The following OCA2 variants were observed in gnomAD, a reference collection of about 807,000 sequenced individuals.
The protein encoded by OCA2 is P protein.
A neutral mutation model predicts 100.2 loss-of-function variants in OCA2; 77 were observed. The ratio of observed to expected loss-of-function variants is 0.77; its 90% CI spans 0.64 to 0.93. The LOEUF is 0.93. Among genes scored for constraint, OCA2 ranks in the 40% least tolerant of loss-of-function variants. The probability of loss-of-function intolerance (pLI) is 0.00; values close to 1 mark genes in which losing one functional copy is unlikely to be tolerated. For missense variants in OCA2, 1,062 were observed against 1,089.1 expected (o/e 0.98, Z 0.35); for synonymous variants, 432 against 439.2 (o/e 0.98, Z 0.21).
At chr15:27,978,057 C>T (rs554879048) in intron 14 of OCA2, among the ~76,000 whole-genome samples, 2 of 152,186 alleles carry the variant, frequency 1.3e-5, no homozygotes, top group African/African-American at 4.8e-5. Context: ...TTCTTTGACC[C>T]TTGGATTACT....
At chr15:28,084,050 G>C (rs2044729854) in intron 1 of OCA2, among the ~76,000 whole-genome samples, 1 of 152,220 alleles carries the variant, frequency 6.6e-6, no homozygotes, top group Non-Finnish European at 1.5e-5. Flanking sequence ...GGAGGTGACT[G>C]GGATTTGGAG....
intron 21 of OCA2, among the ~76,000 whole-genome samples, chr15:27,860,512 C>G (rs2036092128): frequency 6.6e-6 from 1 of 152,098 alleles, no homozygotes; most frequent in African/African-American, 2.4e-5. Flanking sequence ...TCATATGTAC[C>G]CAATATTTAG....
intron 3 of OCA2, among the ~76,000 whole-genome samples, 195 bp downstream of exon 3, chr15:28,031,870 G>T (rs2042914870): frequency 6.6e-6 from 1 of 152,178 alleles, no homozygotes; most frequent in African/African-American, 2.4e-5. Flanking sequence ...GCAGGGTTAT[G>T]CTCAAGGCCA....
At chr15:27,747,083 C>CAT in the OCA2 span, among the ~76,000 whole-genome samples, 3 of 152,100 alleles carry the variant, frequency 2.0e-5, no homozygotes, top group African/African-American at 7.2e-5. Flanking sequence ...AAATTAATAC[C>CAT]ATCAGATCAC....
At chr15:27,819,691 A>G (rs966533686) in intron 23 of OCA2, among the ~76,000 whole-genome samples, 1 of 151,342 alleles carries the variant, frequency 6.6e-6, no homozygotes, top group Non-Finnish European at 1.5e-5. Flanking sequence ...TTTAATTAGA[A>G]CTATTCATAG....
intron 9 of OCA2, among the ~76,000 whole-genome samples, chr15:28,001,930 C>A (rs897342006): frequency 3.9e-5 from 6 of 152,218 alleles, no homozygotes; most frequent in African/African-American, 1.4e-4. Flanking sequence ...GACCTGGAGC[C>A]TGGAGAGGCC....
At chr15:27,978,701 T>C (rs1465787963) in intron 14 of OCA2, among the ~76,000 whole-genome samples, 2 of 152,044 alleles carry the variant, frequency 1.3e-5, no homozygotes, top group African/African-American at 4.8e-5. Context: ...TTTTTTTTTT[T>C]CCTGAGACGG....
intron 1 of OCA2, among the ~76,000 whole-genome samples, chr15:28,082,155 G>C (rs541416759): frequency 6.6e-6 from 1 of 152,250 alleles, no homozygotes; most frequent in African/African-American, 2.4e-5. Flanking sequence ...CTAGCTAGAG[G>C]ATTGTAAATG....
At chr15:28,082,636 G>C (rs1407876694) in intron 1 of OCA2, among the ~76,000 whole-genome samples, 1 of 152,190 alleles carries the variant, frequency 6.6e-6, no homozygotes, top group African/African-American at 2.4e-5. Context: ...ATAAGGACAA[G>C]TGGTACACTG....
At chr15:27,817,576 C>T (rs1442295778) in intron 23 of OCA2, among the ~76,000 whole-genome samples, 1 of 152,162 alleles carries the variant, frequency 6.6e-6, no homozygotes, top group Non-Finnish European at 1.5e-5. Flanking sequence ...TTGCCCCAAC[C>T]AATCGACCAC....
At chr15:27,888,447 G>A (rs1263738151) in intron 19 of OCA2, among the ~76,000 whole-genome samples, 1 of 152,082 alleles carries the variant, frequency 6.6e-6, no homozygotes, top group Non-Finnish European at 1.5e-5. Context: ...AATGGGAAAG[G>A]ACAAACACCT....
At chr15:27,874,144 A>G (rs2036693800) in intron 19 of OCA2, among the ~76,000 whole-genome samples, 1 of 152,226 alleles carries the variant, frequency 6.6e-6, no homozygotes, top group Non-Finnish European at 1.5e-5. Flanking sequence ...TCTTCAGCCA[A>G]ACAAATGGAC....
downstream of OCA2, among the ~76,000 whole-genome samples, chr15:27,752,416 G>A (rs563983948): frequency 1.3e-5 from 2 of 152,228 alleles, no homozygotes; most frequent in African/African-American, 4.8e-5. Flanking sequence ...ACAGCGTCAG[G>A]AGGGAGTGTG....
intron 2 of OCA2, among the ~76,000 whole-genome samples, chr15:28,074,998 C>A (rs2044388056): frequency 1.3e-5 from 2 of 152,148 alleles, no homozygotes; most frequent in South Asian, 4.1e-4. Flanking sequence ...ATAAACCCAG[C>A]AGCATATGCA....
downstream of OCA2, among the ~76,000 whole-genome samples, chr15:27,752,743 G>A (rs954157172): frequency 3.0e-5 from 4 of 132,744 alleles, no homozygotes; most frequent in Admixed American, 8.6e-5. Flanking sequence ...AGAAGGCCAC[G>A]GCTCCCGTCC....
At chr15:28,033,956 A>G (rs1464702935) in intron 2 of OCA2, among the ~76,000 whole-genome samples, 1 of 152,022 alleles carries the variant, frequency 6.6e-6, no homozygotes, top group Non-Finnish European at 1.5e-5. Context: ...CCTCCCTCCC[A>G]TTATTGAGCC....
chr15:27,871,796 T>G, intron 20 of OCA2, 67 bp downstream of exon 20: 1 of 1,173,580 alleles, frequency 8.5e-7, no homozygotes, highest in South Asian at 1.3e-5. Context: ...TGCTTTTTTT[T>G]TTTAATTTTT....
intron 9 of OCA2, among the ~76,000 whole-genome samples, chr15:27,994,617 G>C (rs1279581781): frequency 1.3e-5 from 2 of 152,230 alleles, no homozygotes; most frequent in East Asian, 3.9e-4. Context: ...GTCCAGCTGT[G>C]AGCTCCTGTG....
chr15:27,777,105 G>C lies in OCA2; in HGVS notation c.2433-21633C>G, dbSNP rs141306629. 2.3e-3 allele frequency among the ~76,000 whole-genome samples: 343 copies of C among 152,162 alleles called. 2 individuals are homozygous for C. The highest frequency in any genetic ancestry group is 8.0e-3 in the African/African-American group (333 of 41,516). On this transcript the variant is annotated intron_variant, in intron 23 of 23. Coordinates refer to ENST00000354638, the MANE Select transcript of OCA2 (RefSeq NM_000275.3). ...CTGCTCCACACCCTAGAGGTGCCTG[G>C]TGGGCTGAGTTTACAGGCGAGCATT...
Sources: allele counts gnomAD v4.1 joint callset (sites outside exome capture counted in the v4.1 genomes callset), GRCh38; gene constraint gnomAD v4.1.1; transcripts MANE v1.5; gene names NCBI Gene and HGNC (gene_info 2026-07-23, HGNC 2026-07-21).